Variants in EYS observed in about 807,000 individuals in gnomAD.
EYS encodes the protein protein eyes shut homolog.
In EYS, 250 loss-of-function variants were observed where a neutral mutation model predicts 282.1. The ratio of observed to expected loss-of-function variants is 0.89; its 90% CI spans 0.80 to 0.98. The LOEUF (loss-of-function observed/expected upper bound fraction) is 0.98, where lower values mean the gene tolerates loss of function less well. Among genes scored for constraint, EYS ranks in the 50% least tolerant of loss-of-function variants. EYS has a pLI of 0.00. For synonymous variants in EYS, 1,355 were observed against 1,282.9 expected (o/e 1.06, Z -1.20); for missense variants, 4,016 against 3,709.0 (o/e 1.08, Z -2.15).
chr6:65,701,828 G>T lies in EYS; in HGVS notation c.-448+5307C>A, dbSNP rs546915798. On this transcript the variant is annotated intron_variant, in intron 1 of 42. Transcript: ENST00000503581. ...ATAAAAGGGCATATACATATATATAGAGAGAGTTTTTTGGAACAGGAAGCT... is the reference window on the plus strand; with the variant it reads ...ATAAAAGGGCATATACATATATATATAGAGAGTTTTTTGGAACAGGAAGCT... Among the ~76,000 whole-genome samples the T allele has an allele frequency of 5.3e-5, 8 of 152,292 alleles. No individual in the cohort carries two copies. In the South Asian group the frequency reaches 1.4e-3, roughly 28 times the overall value.
At chr6:64,530,533 G>A (rs577972264) in intron 26 of EYS, among the ~76,000 whole-genome samples, 1 of 151,850 alleles carries the variant, frequency 6.6e-6, no homozygotes, top group Non-Finnish European at 1.5e-5. Flanking sequence ...TACAATTATA[G>A]GATTGATTTA....
chr6:64,700,670 G>A (rs544456952), intron 22 of EYS, among the ~76,000 whole-genome samples: 58 of 151,884 alleles, frequency 3.8e-4, no homozygotes, highest in Admixed American at 3.7e-3. Context: ...TAACCCTGGA[G>A]GGGAATTATC....
intron 5 of EYS, among the ~76,000 whole-genome samples, chr6:65,468,482 G>A (rs1439927329): frequency 1.3e-5 from 2 of 151,884 alleles, no homozygotes; most frequent in East Asian, 1.9e-4. Context: ...AGCCTTTAAA[G>A]TTATTTATTT....
intron 2 of EYS, among the ~76,000 whole-genome samples, chr6:65,545,344 C>T (rs1768345039): frequency 6.6e-6 from 1 of 151,806 alleles, no homozygotes. Context: ...TTTAGTACTA[C>T]AGATTTTAAA....
intron 28 of EYS, among the ~76,000 whole-genome samples, chr6:64,404,609 C>T (rs1203025188): frequency 6.6e-6 from 1 of 152,166 alleles, no homozygotes; most frequent in East Asian, 1.9e-4. Flanking sequence ...AACAAAACAG[C>T]ATTAGGGTCC....
At chr6:65,252,683 AT>A (rs1195216699) in intron 12 of EYS, among the ~76,000 whole-genome samples, 3 of 152,014 alleles carry the variant, frequency 2.0e-5, no homozygotes, top group African/African-American at 7.2e-5. Context: ...TAAAGTAGCT[AT>A]TTTTAAATGC....
intron 22 of EYS, among the ~76,000 whole-genome samples, chr6:64,659,413 C>CA (rs1374984391): frequency 1.3e-5 from 2 of 151,826 alleles, no homozygotes; most frequent in African/African-American, 4.8e-5. Context: ...AATAGAGACA[C>CA]AAAAAACCCT....
chr6:64,752,047 C>G (rs779950270), intron 22 of EYS, among the ~76,000 whole-genome samples: 5 of 151,836 alleles, frequency 3.3e-5, no homozygotes, highest in Non-Finnish European at 7.4e-5. Context: ...AACAGATAAA[C>G]AATTCTGGAA....
intron 11 of EYS, among the ~76,000 whole-genome samples, chr6:65,319,404 T>A (rs185376076): frequency 6.0e-5 from 9 of 150,998 alleles, no homozygotes; most frequent in Admixed American, 1.3e-4. Flanking sequence ...ATATATATAT[T>A]TTTAATTAAA....
At chr6:64,921,930 G>A (rs897946854) in intron 15 of EYS, among the ~76,000 whole-genome samples, 3 of 151,892 alleles carry the variant, frequency 2.0e-5, no homozygotes, top group African/African-American at 7.3e-5. Flanking sequence ...AGTTCTCAGA[G>A]TAGGAAACTG....
intron 22 of EYS, among the ~76,000 whole-genome samples, chr6:64,753,148 C>T (rs1304006063): frequency 3.9e-5 from 6 of 152,084 alleles, no homozygotes; most frequent in East Asian, 1.9e-4. Flanking sequence ...GAAAAACACA[C>T]AGAAGTATAA....
chr6:65,412,391 T>C (rs1767056510), intron 5 of EYS, among the ~76,000 whole-genome samples: 1 of 152,162 alleles, frequency 6.6e-6, no homozygotes, highest in Admixed American at 6.5e-5. Context: ...GCATGTATAG[T>C]TTTTAAAGAA....
rs113555249 is a variant in EYS, at chr6:65,094,860, A to G, written c.2024-37133T>C. ...GCACAAAATTAGCAGAAGGAAAGAA[A>G]TAAGATTTGAAGATAAATAGCCTAG... On this transcript the variant is annotated intron_variant, in intron 12 of 42. Transcript: ENST00000503581. Among the ~76,000 whole-genome samples the G allele has an allele frequency of 4.9e-3, 736 of 151,382 alleles. 4 individuals carry two copies. Among genetic ancestry groups the G allele is most frequent in the African/African-American group, 0.015 (641 of 41,488 alleles).
At chr6:65,134,248 C>A (rs1436876620) in intron 12 of EYS, among the ~76,000 whole-genome samples, 1 of 151,762 alleles carries the variant, frequency 6.6e-6, no homozygotes, top group Non-Finnish European at 1.5e-5. Flanking sequence ...TTTGACCCAG[C>A]AATTTCAAAG....
intron 22 of EYS, among the ~76,000 whole-genome samples, chr6:64,634,603 A>G (rs1325763306): frequency 6.6e-6 from 1 of 151,744 alleles, no homozygotes; most frequent in Non-Finnish European, 1.5e-5. Flanking sequence ...GAAGTGTGGT[A>G]TAGTCAATAT....
At chr6:64,368,260 A>G (rs1338395350) in intron 29 of EYS, among the ~76,000 whole-genome samples, 1 of 152,106 alleles carries the variant, frequency 6.6e-6, no homozygotes, top group Admixed American at 6.6e-5. Flanking sequence ...ATGTTGCTTC[A>G]AAGGACATGA....
chr6:64,692,880 T>G (rs1318614523), intron 22 of EYS, among the ~76,000 whole-genome samples: 1 of 151,496 alleles, frequency 6.6e-6, no homozygotes. Flanking sequence ...ACCAAGCTGT[T>G]TTGGTTACAG....
At position 65,433,912 on chromosome 6, in the gene EYS, A is replaced by G. The variant is rs535549221; in HGVS notation, c.863-28545T>C. Among the ~76,000 whole-genome samples, 5 of 152,328 alleles carry G rather than the reference A, an allele frequency of 3.3e-5. No individual in the cohort carries two copies. The East Asian group carries it at 9.6e-4, about 29-fold the overall frequency. Reference sequence around the variant, plus strand: ...ATTTGAGAATGAGATTTGAAATATGAAATATACCTCTTCTTCAAATCACTT... The same window carrying G: ...ATTTGAGAATGAGATTTGAAATATGGAATATACCTCTTCTTCAAATCACTT... On this transcript the variant is annotated intron_variant, in intron 5 of 42. Coordinates refer to ENST00000503581, the MANE Select transcript of EYS (RefSeq NM_001142800.2).
chr6:64,069,614 T>A (rs965518768), intron 32 of EYS, among the ~76,000 whole-genome samples: 1 of 152,058 alleles, frequency 6.6e-6, no homozygotes, highest in African/African-American at 2.4e-5. Flanking sequence ...TGAACATCTG[T>A]AGATACAAAG....
Sources: allele counts gnomAD v4.1 joint callset (sites outside exome capture counted in the v4.1 genomes callset), GRCh38; gene constraint gnomAD v4.1.1; transcripts MANE v1.5; gene names NCBI Gene and HGNC (gene_info 2026-07-23, HGNC 2026-07-21).